The following FBXO17 variants were observed in gnomAD, a reference collection of about 807,000 sequenced individuals.
The protein encoded by FBXO17 is F-box protein 17.
Under a neutral mutation model 34.1 loss-of-function variants are expected in FBXO17, and 43 were observed. The ratio of observed to expected loss-of-function variants is 1.26; its 90% CI spans 0.99 to 1.62. The LOEUF (loss-of-function observed/expected upper bound fraction) is 1.62, where lower values mean the gene tolerates loss of function less well. Ranked by LOEUF, FBXO17 falls within the 40% of genes most tolerant of loss-of-function variation. The pLI is 0.00. For missense variants in FBXO17, 424 were observed against 386.7 expected (o/e 1.10, Z -0.81); for synonymous variants, 169 against 166.0 (o/e 1.02, Z -0.14).
At chr19:38,947,666 G>A (rs1338647067) in intron 3 of FBXO17, among the ~76,000 whole-genome samples, 2 of 152,130 alleles carry the variant, frequency 1.3e-5, no homozygotes, top group East Asian at 1.9e-4. Context: ...AAACTGTAGA[G>A]GTGGCACCAT....
At chr19:38,947,583 T>C (rs899619523) in intron 3 of FBXO17, among the ~76,000 whole-genome samples, 8 of 152,046 alleles carry the variant, frequency 5.3e-5, no homozygotes, top group Admixed American at 3.9e-4. Context: ...TGAGACTCTA[T>C]CTCAAAAAAC....
At chr19:38,954,427 GC>G (rs1568441531) in intron 1 of FBXO17, among the ~76,000 whole-genome samples, 1 of 146,672 alleles carries the variant, frequency 6.8e-6, no homozygotes, top group African/African-American at 2.5e-5. Flanking sequence ...CTGCCACCAC[GC>G]CTGGCTAATT....
intron 1 of FBXO17, among the ~76,000 whole-genome samples, chr19:38,968,266 C>A (rs1321556312): frequency 2.6e-5 from 4 of 151,970 alleles, no homozygotes. Flanking sequence ...TTGCAGTGAG[C>A]CAAGACTGTA....
chr19:38,973,564 A>G (rs1425588218), intron 1 of FBXO17, among the ~76,000 whole-genome samples: 1 of 149,592 alleles, frequency 6.7e-6, no homozygotes, highest in African/African-American at 2.5e-5. Flanking sequence ...GAGATTACAT[A>G]CTTTTATTAT....
chr19:38,953,794 G>A (rs1975121686), intron 1 of FBXO17, among the ~76,000 whole-genome samples: 1 of 152,140 alleles, frequency 6.6e-6, no homozygotes, highest in Admixed American at 6.6e-5. Flanking sequence ...GTGAGAACCA[G>A]GGACGGTGGC....
chr19:38,942,781 G>C, intron 5 of FBXO17, 30 bp from the exon 6 acceptor site: 1 of 1,580,770 alleles, frequency 6.3e-7, no homozygotes, highest in Non-Finnish European at 8.6e-7. Flanking sequence ...GAGAGGGTGA[G>C]GGCCTGCGGG....
chr19:38,969,388 G>T (rs913236024), intron 1 of FBXO17, among the ~76,000 whole-genome samples: 2 of 148,458 alleles, frequency 1.3e-5, no homozygotes, highest in African/African-American at 5.0e-5. Flanking sequence ...GCTACAGTGA[G>T]CCAAGATCCC....
chr19:38,943,526 T>C (rs549995311), intron 5 of FBXO17, among the ~76,000 whole-genome samples: 1 of 152,206 alleles, frequency 6.6e-6, no homozygotes, highest in Admixed American at 6.5e-5. Context: ...CCACCCGCCA[T>C]GGTCTTCCAA....
chr19:38,963,279 C>T (rs903474493), intron 1 of FBXO17, among the ~76,000 whole-genome samples: 10 of 149,866 alleles, frequency 6.7e-5, no homozygotes, highest in African/African-American at 2.2e-4. Context: ...AGCATAATGT[C>T]CGTGTGATTC....
chr19:38,958,269 G>T (rs1231273680), intron 1 of FBXO17, among the ~76,000 whole-genome samples: 2 of 151,890 alleles, frequency 1.3e-5, no homozygotes, highest in Admixed American at 1.3e-4. Flanking sequence ...AATTAGCCAG[G>T]TGTGGTGGCA....
rs1186919438 is a variant in FBXO17 at position 38,962,190 on chromosome 19, C to CA, written c.-17-11855dup. The stretch of plus-strand genomic sequence containing the variant: ...GGACAAGAAGAGCGAAACTTCGTCT[C>CA]AAAAAAAAAAAATAAAAAAAAATAA... On this transcript the variant is annotated intron_variant, in intron 1 of 5. Transcript: ENST00000292852. 7.5e-3 allele frequency among the ~76,000 whole-genome samples: 999 copies of CA among 132,442 alleles called. 5 individuals are homozygous for CA. Among genetic ancestry groups the CA allele is most frequent in the African/African-American group, 0.019 (703 of 36,136 alleles). The allele number at this position is 132,442 out of a possible 152,430, so 86.9% of individuals were successfully genotyped here. A position where few individuals can be genotyped will look rare whatever the true frequency, so the allele number is the denominator to read the frequency against.
chr19:38,950,143 CCA>C lies in FBXO17; in HGVS notation c.175_176del (p.Trp59AlafsTer121), dbSNP rs779568418. On this transcript the variant is annotated frameshift_variant, in exon 2 of 6. Transcript: ENST00000292852. LOFTEE classifies it high-confidence loss of function. ...WRDIVDGPTVWLLQLARDRSA... is the reference protein window; with the variant it reads ...WRDIVDGPTVXLLQLARDRSA... ...TGCGGTCGCGGGCCAGCTGCAGCAGCCACACAGTGGGCCCGTCCACTATGTCG... is the reference window on the plus strand; with the variant it reads ...TGCGGTCGCGGGCCAGCTGCAGCAGCCACAGTGGGCCCGTCCACTATGTCG... 1.9e-6 allele frequency: 3 copies of C among 1,563,904 alleles called. No homozygotes were observed. The African/African-American group carries it at 4.1e-5, about 21-fold the overall frequency.
At chr19:38,954,878 C>G (rs11669210) in intron 1 of FBXO17, among the ~76,000 whole-genome samples, 93,704 of 146,718 alleles carry the variant, frequency 0.64, 30,778 homozygotes, top group East Asian at 0.89. Context: ...ACTGCGCCTG[C>G]CCTGACAATG....
intron 4 of FBXO17, chr19:38,946,206 G>C: frequency 1.8e-6 from 1 of 540,768 alleles, no homozygotes; most frequent in South Asian, 2.2e-5. Flanking sequence ...TCTCGTTTCA[G>C]AGGGGTATCA....
chr19:38,969,122 C>G (rs568845014), intron 1 of FBXO17, among the ~76,000 whole-genome samples: 2 of 152,200 alleles, frequency 1.3e-5, no homozygotes, highest in South Asian at 4.2e-4. Flanking sequence ...GGAAACAGAA[C>G]AGACTGTAGA....
intron 1 of FBXO17, among the ~76,000 whole-genome samples, chr19:38,968,401 C>T (rs1975348097): frequency 6.6e-6 from 1 of 151,354 alleles, no homozygotes; most frequent in Non-Finnish European, 1.5e-5. Flanking sequence ...TAGGAGGATC[C>T]CCTGAGTCCA....
Position 38,948,673 on chromosome 19 carries a change from A to G in FBXO17, c.355T>C (p.Phe119Leu). 4.3e-6 allele frequency: 7 copies of G among 1,613,898 alleles called. No homozygotes were observed. Among genetic ancestry groups the G allele is most frequent in the Non-Finnish European group, 5.9e-6 (7 of 1,179,904 alleles). ...LIFNSCGEQG[F>L]RGWEVEHGGN... is the part of the protein sequence containing the mutation. ...CCATGCTCCACCTCCCAGCCTCTGA[A>G]GCCCTCTGTGGGAAAACAAGAGTTG... The change falls in exon 3 of 6, where the codon TTC becomes CTC. Residue 119 changes from phenylalanine to leucine, a missense_variant. Phe to Leu is a conservative substitution (Grantham distance 22). Transcript: ENST00000292852.
At chr19:38,952,999 T>A (rs796261400) in intron 1 of FBXO17, among the ~76,000 whole-genome samples, 1 of 152,150 alleles carries the variant, frequency 6.6e-6, no homozygotes, top group Admixed American at 6.6e-5. Flanking sequence ...AATTCCATGG[T>A]TAATCATTAA....
chr19:38,966,914 A>G (rs1975328965), intron 1 of FBXO17, among the ~76,000 whole-genome samples: 1 of 152,242 alleles, frequency 6.6e-6, no homozygotes, highest in African/African-American at 2.4e-5. Flanking sequence ...GAAATTAATC[A>G]TACATCTAAA....
Sources: gnomAD v4.1 joint callset for allele counts (sites outside exome capture counted in the v4.1 genomes callset) on GRCh38, gnomAD v4.1.1 for gene constraint, MANE v1.5 for transcripts, NCBI Gene and HGNC (gene_info 2026-07-23, HGNC 2026-07-21) for gene names.